Variants in PPIE observed in about 807,000 individuals in gnomAD.
PPIE encodes peptidylprolyl isomerase E.
Under a neutral mutation model 38.4 loss-of-function variants are expected in PPIE, and 20 were observed. The observed-to-expected ratio is 0.52, with a 90% CI of 0.37 to 0.76. The LOEUF (loss-of-function observed/expected upper bound fraction) is 0.76, where lower values mean the gene tolerates loss of function less well. PPIE is among the 30% of genes least tolerant of loss of function. The pLI, the probability that PPIE is intolerant of heterozygous loss-of-function variation, is 0.00. For missense variants in PPIE, 322 were observed against 385.8 expected, an observed-to-expected ratio of 0.83 and a Z score of 1.39; for synonymous variants, 142 against 135.7, an observed-to-expected ratio of 1.05 and a Z score of -0.32.
intron 9 of PPIE, chr1:39,763,213 A>C (rs1649262793): frequency 1.9e-6 from 3 of 1,603,552 alleles, no homozygotes; most frequent in Non-Finnish European, 2.6e-6. Flanking sequence ...CTGGGGGGCA[A>C]GGGAGAAGGT....
At position 39,738,940 on chromosome 1, in the gene PPIE, G is replaced by C; in HGVS notation, c.31+9G>C. 1 of 1,477,150 alleles carries C rather than the reference G, an allele frequency of 6.8e-7. No individual in the cohort carries two copies. Among genetic ancestry groups the C allele is most frequent in the Non-Finnish European group, 9.0e-7 (1 of 1,112,958 alleles). The allele number at this position is 1,477,150 out of a possible 1,614,324, so 91.5% of individuals were successfully genotyped here. A position where few individuals can be genotyped will look rare whatever the true frequency, so the allele number is the denominator to read the frequency against. The stretch of plus-strand genomic sequence containing the variant: ...GCGCGTCTTGTACGTGGGTGAGCAG[G>C]AGGGGTTGCTAGGCGGAGTCTGAGT... On this transcript the variant is annotated intron_variant, in intron 1 of 9. Coordinates refer to ENST00000324379, the MANE Select transcript of PPIE (RefSeq NM_006112.4).
intron 8 of PPIE, among the ~76,000 whole-genome samples, chr1:39,751,496 T>C (rs547106943): frequency 6.6e-6 from 1 of 152,182 alleles, no homozygotes; most frequent in East Asian, 1.9e-4. Flanking sequence ...GCTGGGATTA[T>C]AGGTGCACGC....
chr1:39,755,011 C>T lies in PPIE; in HGVS notation c.*1656C>T. 3 of 985,460 alleles carry T rather than the reference C, an allele frequency of 3.0e-6. No homozygotes were observed. The highest frequency in any genetic ancestry group is 3.6e-6 in the Non-Finnish European group (3 of 829,936). The allele number at this position is 985,460 out of a possible 1,614,324, so 61.0% of individuals were successfully genotyped here. A position where few individuals can be genotyped will look rare whatever the true frequency, so the allele number is the denominator to read the frequency against. On this transcript the variant is annotated 3_prime_UTR_variant, in exon 10 of 10. Transcript: ENST00000324379. ...CTGAGCCTTTACAAAACAGGATTGC[C>T]AGCCACTGAAGAGAACAAATGGTCC...
rs889482818 is a variant in PPIE, at chr1:39,749,105, A to C, written c.694+17A>C. On this transcript the variant is annotated intron_variant, in intron 8 of 9. Coordinates refer to ENST00000324379, the MANE Select transcript of PPIE (RefSeq NM_006112.4). ...CGGGACCAGGTAGGAGCCAGTTGGCATGTGGTGACGAGGGAGGCTGGGCAA... is the reference window on the plus strand; with the variant it reads ...CGGGACCAGGTAGGAGCCAGTTGGCCTGTGGTGACGAGGGAGGCTGGGCAA... 2.5e-6 allele frequency: 4 copies of C among 1,569,950 alleles called. No homozygotes were observed. The highest frequency in any genetic ancestry group is 3.4e-6 in the Non-Finnish European group (4 of 1,159,972).
Position 39,753,362 on chromosome 1 carries a change from A to C in PPIE, c.*7A>C, listed in dbSNP as rs1483308570. ...CTGTGGGGAGTACGTGTGAGGCGGC[A>C]CTCTCTCTGCTTCCCCCTCCGCTCT... is the stretch of plus-strand genomic sequence containing the variant. On this transcript the variant is annotated 3_prime_UTR_variant, in exon 10 of 10. Coordinates refer to ENST00000324379, the MANE Select transcript of PPIE (RefSeq NM_006112.4). 6.2e-7 allele frequency: 1 copy of C among 1,613,246 alleles called. No individual in the cohort carries two copies. The highest frequency in any genetic ancestry group is 8.5e-7 in the Non-Finnish European group (1 of 1,179,568).
Position 39,740,202 on chromosome 1 carries a change from T to C in PPIE, c.69T>C (p.His23=), listed in dbSNP as rs1647023406. The C allele has an allele frequency of 1.2e-6, 2 of 1,614,226 alleles. No homozygotes were observed. The highest frequency in any genetic ancestry group is 2.2e-5 in the South Asian group (2 of 91,088). The change falls in exon 2 of 10, where the codon CAT becomes CAC. Residue 23 remains histidine, a synonymous_variant. Transcript: ENST00000324379. ...AGGAAGTGGACGACAAAGTTCTTCA[T>C]GCTGCGTTCATTCCTTTTGGAGACA... is the stretch of plus-strand genomic sequence containing the variant. ...LAEEVDDKVL[H]AAFIPFGDIT... is the part of the protein sequence containing the mutation.
chr1:39,745,595 T>C (rs1023779152), intron 7 of PPIE, 97 bp downstream of exon 7: 38 of 1,575,792 alleles, frequency 2.4e-5, no homozygotes, highest in African/African-American at 8.1e-5. Flanking sequence ...GTCCTTGATA[T>C]TGCTTCTGAC....
chr1:39,756,403 C>T lies in PPIE; in HGVS notation c.*3048C>T, dbSNP rs72940777. The T allele has an allele frequency of 1.2e-3, 1,152 of 985,444 alleles. 10 individuals are homozygous for T. In the African/African-American group the frequency reaches 0.018, roughly 16 times the overall value. 61.0% of individuals were successfully genotyped at this position (985,444 alleles called of 1,614,324 possible). ...GAGTTGAGCCCCATCTGAGTCCCCA[C>T]ATGCTGGCCCTGAAACGGTTACAAA... On this transcript the variant is annotated 3_prime_UTR_variant, in exon 10 of 10. Transcript: ENST00000324379.
rs763457871 is a variant in PPIE at position 39,743,253 on chromosome 1, A to G, written c.239A>G (p.Asn80Ser). Residue 80 changes from asparagine to serine, a missense_variant, in exon 5 of 10, where the codon AAT (asparagine) becomes AGT (serine). Physicochemically the swap from Asn to Ser is conservative, Grantham distance 46 (BLOSUM62 1). Transcript: ENST00000324379. ...SELFGRTIRV[N>S]LAKPMRIKEG... ...CTTTTTGGACGTACAATTCGTGTCA[A>G]TTTGGCCAAACCAATGAGAATTAAG... The G allele has an allele frequency of 2.5e-6, 4 of 1,614,198 alleles. No individual in the cohort carries two copies. The highest frequency in any genetic ancestry group is 3.4e-6 in the Non-Finnish European group (4 of 1,180,026).
chr1:39,742,714 A>C (rs34757318), intron 4 of PPIE: 3,145 of 152,554 alleles, frequency 0.021, 56 homozygotes, highest in Non-Finnish European at 0.033. Context: ...TCATCACAGT[A>C]ATTTCCCAGT....
chr1:39,739,139 C>A, intron 1 of PPIE: 1 of 457,908 alleles, frequency 2.2e-6, no homozygotes, highest in Non-Finnish European at 3.6e-6. Flanking sequence ...GACTTCTTAG[C>A]AGTACGCACT....
downstream of PPIE, chr1:39,758,708 G>A (rs371856001): frequency 5.9e-5 from 9 of 152,430 alleles, no homozygotes; most frequent in East Asian, 1.7e-3. Flanking sequence ...CCACCTACAA[G>A]GCAGGTCTCT....
intron 6 of PPIE, 101 bp downstream of exon 6, chr1:39,744,025 G>C (rs1370418500): frequency 1.4e-5 from 10 of 696,832 alleles, no homozygotes; most frequent in Non-Finnish European, 2.4e-5. Context: ...GTATATCAAA[G>C]TGGAGGGAAT....
intron 7 of PPIE, chr1:39,748,606 A>G (rs765063578): frequency 5.6e-6 from 2 of 354,694 alleles, no homozygotes; most frequent in South Asian, 2.5e-5. Context: ...TGTATGGTAC[A>G]TGCCTGTAGT....
At chr1:39,758,104 G>A (rs770089765), downstream of PPIE, 4 of 152,192 alleles carry the variant, frequency 2.6e-5, no homozygotes, top group Non-Finnish European at 5.9e-5. Flanking sequence ...GGGCACTAAA[G>A]ATACAGGTGG....
rs1647171968 is a variant in PPIE, at chr1:39,745,428, C to G, written c.438C>G (p.Ile146Met). Reference protein sequence around the residue: ...ARSNPQVYMDIKIGNKPAGRI... With the variant: ...ARSNPQVYMDMKIGNKPAGRI... ...CAAATCCTCAGGTGTACATGGACAT[C>G]AAGATTGGGAACAAGCCGGCTGGCC... The change falls in exon 7 of 10, where the codon ATC becomes ATG. Residue 146 changes from isoleucine to methionine, a missense_variant. Physicochemically the swap from Ile to Met is conservative, Grantham distance 10 (BLOSUM62 1). Coordinates refer to ENST00000324379, the MANE Select transcript of PPIE (RefSeq NM_006112.4). 1 of 1,614,116 alleles carries G rather than the reference C, an allele frequency of 6.2e-7. No individual in the cohort carries two copies. Among genetic ancestry groups the G allele is most frequent in the African/African-American group, 1.3e-5 (1 of 74,936 alleles).
chr1:39,741,609 C>T (rs1376931213), intron 3 of PPIE, 200 bp downstream of exon 3: 1 of 643,776 alleles, frequency 1.6e-6, no homozygotes, highest in African/African-American at 1.8e-5. Context: ...CCTGCCAGGC[C>T]CTCCCATTCT....
At chr1:39,757,736 G>C (rs556393314), downstream of PPIE, 1 of 152,372 alleles carries the variant, frequency 6.6e-6, no homozygotes, top group East Asian at 1.9e-4. Context: ...GGTGGTATCT[G>C]TGCTGCCAGC....
Position 39,743,838 on chromosome 1 carries a change from G to T in PPIE, c.298G>T (p.Asp100Tyr). 1 of 1,613,526 alleles carries T rather than the reference G, an allele frequency of 6.2e-7. No individual in the cohort carries two copies. The highest frequency in any genetic ancestry group is 1.1e-5 in the South Asian group (1 of 91,030). ...TTTCCTTTCAGTTTGGTCAGATGATGACTGGTTGAAGAAGTTTTCTGGGAA... is the reference window on the plus strand; with the variant it reads ...TTTCCTTTCAGTTTGGTCAGATGATTACTGGTTGAAGAAGTTTTCTGGGAA... ...GSSRPVWSDD[D>Y]WLKKFSGKTL... The change falls in exon 6 of 10, where the codon GAC (aspartate) becomes TAC (tyrosine). Residue 100 changes from aspartate to tyrosine, a missense_variant. Coordinates refer to ENST00000324379, the MANE Select transcript of PPIE (RefSeq NM_006112.4).
Sources: allele counts gnomAD v4.1 joint callset (sites outside exome capture counted in the v4.1 genomes callset), GRCh38; gene constraint gnomAD v4.1.1; transcripts MANE v1.5; gene names NCBI Gene and HGNC (gene_info 2026-07-23, HGNC 2026-07-21).